The following ITGA9 variants were observed in gnomAD, a reference collection of about 807,000 sequenced individuals.
ITGA9 encodes integrin subunit alpha 9, also known as integrin alpha-9.
A neutral mutation model predicts 127.8 loss-of-function variants in ITGA9; 56 were observed. The ratio of observed to expected loss-of-function variants is 0.44; its 90% CI spans 0.35 to 0.55. The LOEUF (loss-of-function observed/expected upper bound fraction) is 0.55. ITGA9 is among the 20% of genes least tolerant of loss of function. The pLI is 0.00. For missense variants in ITGA9, 1,196 were observed against 1,347.1 expected (o/e 0.89, Z 1.76); for synonymous variants, 508 against 514.5 (o/e 0.99, Z 0.17).
intron 15 of ITGA9, among the ~76,000 whole-genome samples, chr3:37,592,565 G>T (rs1483228233): frequency 1.3e-5 from 2 of 152,172 alleles, no homozygotes; most frequent in Non-Finnish European, 2.9e-5. Context: ...GGGAAATGTG[G>T]GTCCAGGCTG....
At chr3:37,490,514 A>G (rs761022144) in intron 4 of ITGA9, among the ~76,000 whole-genome samples, 2 of 152,214 alleles carry the variant, frequency 1.3e-5, no homozygotes, top group Admixed American at 1.3e-4. Flanking sequence ...AACTTTCTCA[A>G]ATGGGTAATA....
intron 14 of ITGA9, among the ~76,000 whole-genome samples, chr3:37,536,207 C>T (rs903563548): frequency 6.6e-6 from 1 of 152,236 alleles, no homozygotes; most frequent in Admixed American, 6.5e-5. Flanking sequence ...GCCTCAGGAA[C>T]CCACAGCTGA....
rs556227733 is a variant in ITGA9, at chr3:37,485,526, A to G, written c.544+3919A>G. 2.0e-5 allele frequency among the ~76,000 whole-genome samples: 3 copies of G among 152,002 alleles called. No homozygotes were observed. In the South Asian group the frequency reaches 6.3e-4, roughly 32 times the overall value. The stretch of plus-strand genomic sequence containing the variant: ...GGTTATGGTGAGGAGCTCCCGAGAA[A>G]ACTCAGGTGAAAGTGCTCAGCAAGG... On this transcript the variant is annotated intron_variant, in intron 4 of 27. Transcript: ENST00000264741.
chr3:37,602,206 C>G (rs2125621259), intron 15 of ITGA9, among the ~76,000 whole-genome samples: 1 of 148,766 alleles, frequency 6.7e-6, no homozygotes, highest in Non-Finnish European at 1.5e-5. Context: ...ATCTTAAAAT[C>G]AAAATTGATG....
intron 15 of ITGA9, among the ~76,000 whole-genome samples, chr3:37,605,388 A>G (rs908840611): frequency 2.6e-5 from 4 of 152,170 alleles, no homozygotes; most frequent in African/African-American, 9.7e-5. Flanking sequence ...CCTTAAGAAG[A>G]TCACACTGGG....
intron 15 of ITGA9, among the ~76,000 whole-genome samples, chr3:37,576,485 T>C (rs922163954): frequency 6.6e-6 from 1 of 152,180 alleles, no homozygotes; most frequent in African/African-American, 2.4e-5. Flanking sequence ...ACATTCCCCC[T>C]GGGCTCACTT....
chr3:37,510,415 C>T (rs1698891942), intron 8 of ITGA9, among the ~76,000 whole-genome samples: 1 of 152,156 alleles, frequency 6.6e-6, no homozygotes, highest in South Asian at 2.1e-4. Flanking sequence ...TGTCTGTGCC[C>T]TGGGGAGGTC....
Position 37,814,245 on chromosome 3 carries a change from G to A in ITGA9, c.3010-4646G>A, listed in dbSNP as rs1258215428. 2.6e-5 allele frequency among the ~76,000 whole-genome samples: 4 copies of A among 152,256 alleles called. No homozygotes were observed. The highest frequency in any genetic ancestry group is 2.6e-4 in the Admixed American group (4 of 15,290). ...TCCCATTGATCTCTTAGGCAGAGAC[G>A]AAGACACTATGGCTCGAAGCCAGAA... On this transcript the variant is annotated intron_variant, in intron 27 of 27. Transcript: ENST00000264741. The surrounding 1 kb of genome is among the most constrained non-coding windows in gnomAD (Gnocchi z 4.3).
intron 16 of ITGA9, among the ~76,000 whole-genome samples, chr3:37,646,238 G>A (rs990225039): frequency 3.9e-5 from 6 of 152,192 alleles, no homozygotes; most frequent in African/African-American, 1.4e-4. Context: ...ATCTATGGCT[G>A]CTTTTGCTCT....
At position 37,736,961 on chromosome 3, in the gene ITGA9, A is replaced by G; in HGVS notation, c.2212A>G (p.Ser738Gly). Residue 738 changes from serine (S) to glycine (G), a missense_variant, in exon 20 of 28, where the codon AGC becomes GGC. Ser to Gly is a moderately conservative substitution (Grantham distance 56). Coordinates refer to ENST00000264741, the MANE Select transcript of ITGA9 (RefSeq NM_002207.3). ...SHLSGEEEVL[S>G]FIVTAQSGNT... Reference sequence around the variant, plus strand: ...CCTGTCTGGGGAAGAGGAAGTTCTCAGCTTCATTGTTACTGCTCAGAGGTA... The same window carrying G: ...CCTGTCTGGGGAAGAGGAAGTTCTCGGCTTCATTGTTACTGCTCAGAGGTA... The G allele has an allele frequency of 6.2e-7, 1 of 1,612,322 alleles. No homozygotes were observed. The highest frequency in any genetic ancestry group is 8.5e-7 in the Non-Finnish European group (1 of 1,178,348).
intron 15 of ITGA9, among the ~76,000 whole-genome samples, chr3:37,567,878 T>G (rs542799839): frequency 1.3e-5 from 2 of 152,252 alleles, no homozygotes; most frequent in South Asian, 4.2e-4. Context: ...CTGGCTGGCA[T>G]TGAGTATCTG....
At chr3:37,602,779 C>G (rs9830607) in intron 15 of ITGA9, among the ~76,000 whole-genome samples, 26,248 of 152,088 alleles carry the variant, frequency 0.17, 2,613 homozygotes, top group Admixed American at 0.29. Context: ...AAAACCAGCA[C>G]TCTATATCAT....
chr3:37,773,059 C>T (rs17036939), intron 23 of ITGA9, among the ~76,000 whole-genome samples: 58,370 of 152,170 alleles, frequency 0.38, 13,417 homozygotes, highest in South Asian at 0.61. Flanking sequence ...TGCCCCTCTC[C>T]GCTGGCGTCT....
chr3:37,502,100 G>A (rs1330588507), intron 5 of ITGA9, among the ~76,000 whole-genome samples: 3 of 152,130 alleles, frequency 2.0e-5, no homozygotes, highest in Non-Finnish European at 4.4e-5. Flanking sequence ...GGGAACTTAG[G>A]GTTGTTGTCA....
chr3:37,755,543 A>C (rs145886036), intron 23 of ITGA9, among the ~76,000 whole-genome samples: 1 of 152,356 alleles, frequency 6.6e-6, no homozygotes, highest in African/African-American at 2.4e-5. Context: ...GTTTCCATGA[A>C]ACAGAATAAA....
intron 15 of ITGA9, among the ~76,000 whole-genome samples, chr3:37,594,068 T>C (rs1699845745): frequency 6.6e-6 from 1 of 152,238 alleles, no homozygotes; most frequent in Non-Finnish European, 1.5e-5. Flanking sequence ...CCCACGCTGC[T>C]GCTGCCACAC....
rs116518049 is a variant in ITGA9 at position 37,554,254 on chromosome 3, C to T, written c.1689+11669C>T. ...ATGGGGGTCAGGGTGACCTCACTGA[C>T]GAGGTGTGATTTGAGCAAAGCATGG... On this transcript the variant is annotated intron_variant, in intron 15 of 27. Coordinates refer to ENST00000264741, the MANE Select transcript of ITGA9 (RefSeq NM_002207.3). Among the ~76,000 whole-genome samples, 931 of 151,988 alleles carry T rather than the reference C, an allele frequency of 6.1e-3. 5 individuals are homozygous for T. Among genetic ancestry groups the T allele is most frequent in the African/African-American group, 0.021 (852 of 41,428 alleles).
chr3:37,784,208 T>C (rs1178326100), intron 25 of ITGA9, among the ~76,000 whole-genome samples: 1 of 152,214 alleles, frequency 6.6e-6, no homozygotes, highest in African/African-American at 2.4e-5. Context: ...TGGCTTGAGG[T>C]TCTGGCTTCT....
At chr3:37,725,063 C>T (rs17036823) in intron 18 of ITGA9, among the ~76,000 whole-genome samples, 2 of 152,190 alleles carry the variant, frequency 1.3e-5, no homozygotes, top group Admixed American at 6.5e-5. Flanking sequence ...TCTTTCATGA[C>T]CCCTGCTGGA....
Sources: gnomAD v4.1 joint callset for allele counts (sites outside exome capture counted in the v4.1 genomes callset) on GRCh38, gnomAD v4.1.1 for gene constraint, Gnocchi (gnomAD v3.1) non-coding constraint, MANE v1.5 for transcripts, NCBI Gene and HGNC (gene_info 2026-07-23, HGNC 2026-07-21) for gene names.